The following CNTNAP2 variants were observed in gnomAD, a reference collection of about 807,000 sequenced individuals.
The protein encoded by CNTNAP2 is contactin-associated protein-like 2.
Under a neutral mutation model 155.2 loss-of-function variants are expected in CNTNAP2, and 98 were observed. The ratio of observed to expected loss-of-function variants is 0.63; its 90% CI spans 0.54 to 0.75. CNTNAP2 has a LOEUF of 0.75. CNTNAP2 is among the 30% of genes least tolerant of loss of function. The pLI, the probability that CNTNAP2 is intolerant of heterozygous loss-of-function variation, is 0.00. For synonymous variants in CNTNAP2, 651 were observed against 631.2 expected (o/e 1.03, Z -0.47); for missense variants, 1,727 against 1,688.1 (o/e 1.02, Z -0.40).
At chr7:146,191,397 C>T (rs1798703040) in intron 1 of CNTNAP2, among the ~76,000 whole-genome samples, 1 of 152,126 alleles carries the variant, frequency 6.6e-6, no homozygotes, top group South Asian at 2.1e-4. Flanking sequence ...CAAATGGGGA[C>T]AGAGCGAGAT....
chr7:146,533,263 G>A (rs1308786290), intron 1 of CNTNAP2, among the ~76,000 whole-genome samples: 1 of 152,040 alleles, frequency 6.6e-6, no homozygotes, highest in East Asian at 1.9e-4. Context: ...CTATGCAAGT[G>A]GGAAATTTGA....
chr7:147,938,208 A>T (rs776465417), intron 14 of CNTNAP2, among the ~76,000 whole-genome samples: 1 of 152,196 alleles, frequency 6.6e-6, no homozygotes, highest in Non-Finnish European at 1.5e-5. Flanking sequence ...GTCCTTTTCT[A>T]AAATTTGGGT....
At chr7:148,198,271 G>C (rs1011467244) in intron 18 of CNTNAP2, among the ~76,000 whole-genome samples, 2 of 152,188 alleles carry the variant, frequency 1.3e-5, no homozygotes, top group Non-Finnish European at 2.9e-5. Context: ...ATAGCAATTT[G>C]TCTTTGAGGT....
At position 147,868,004 on chromosome 7, in the gene CNTNAP2, G is replaced by T. The variant is rs140110266; in HGVS notation, c.2099-35561G>T. Among the ~76,000 whole-genome samples, 1,100 of 152,228 alleles carry T rather than the reference G, an allele frequency of 7.2e-3. 15 individuals carry two copies. Among genetic ancestry groups the T allele is most frequent in the African/African-American group, 0.025 (1,044 of 41,530 alleles). On this transcript the variant is annotated intron_variant, in intron 13 of 23. Transcript: ENST00000361727. ...TTTGTTCTGTTGCTGGCAAGGAGCT[G>T]CAATCTTTTGGAGGAGAAGAGGTGC...
chr7:147,770,116 T>C lies in CNTNAP2; in HGVS notation c.2098+130810T>C, dbSNP rs189366140. Among the ~76,000 whole-genome samples, 8 of 152,314 alleles carry C rather than the reference T, an allele frequency of 5.3e-5. No homozygotes were observed. In the East Asian group the frequency reaches 1.4e-3, roughly 26 times the overall value. On this transcript the variant is annotated intron_variant, in intron 13 of 23. Transcript: ENST00000361727. ...TCAAATTCTCATTGAGGTCAAGGTG[T>C]AATTTGTAGTTCAATTCCTTATTCG...
intron 1 of CNTNAP2, among the ~76,000 whole-genome samples, chr7:146,485,657 C>T (rs1433324491): frequency 6.6e-6 from 1 of 152,124 alleles, no homozygotes; most frequent in Non-Finnish European, 1.5e-5. Context: ...GGGTCTCGCT[C>T]TGCCATCCAA....
At chr7:148,411,974 T>C (rs2116720921) in intron 23 of CNTNAP2, among the ~76,000 whole-genome samples, 1 of 152,112 alleles carries the variant, frequency 6.6e-6, no homozygotes, top group Middle Eastern at 3.4e-3. Context: ...GATGGGAGTC[T>C]TGCTTTGTTG....
intron 12 of CNTNAP2, among the ~76,000 whole-genome samples, chr7:147,607,155 C>G (rs764912654): frequency 3.3e-5 from 5 of 152,122 alleles, no homozygotes; most frequent in Non-Finnish European, 5.9e-5. Context: ...TGACTAGAGA[C>G]TGAGTCAATG....
intron 3 of CNTNAP2, among the ~76,000 whole-genome samples, chr7:146,999,921 G>A (rs181588675): frequency 1.1e-3 from 166 of 151,870 alleles, no homozygotes; most frequent in African/African-American, 3.9e-3. Context: ...CTTTCTCCAA[G>A]TTTGGAAAGT....
intron 1 of CNTNAP2, among the ~76,000 whole-genome samples, chr7:146,119,839 C>T (rs560925146): frequency 4.6e-5 from 7 of 151,634 alleles, no homozygotes; most frequent in Non-Finnish European, 8.8e-5. Context: ...CTAACAAATA[C>T]GATTTTATAC....
At chr7:147,799,116 G>C (rs897923110) in intron 13 of CNTNAP2, among the ~76,000 whole-genome samples, 1 of 152,138 alleles carries the variant, frequency 6.6e-6, no homozygotes, top group Non-Finnish European at 1.5e-5. Flanking sequence ...AAAATAATAA[G>C]AGAATTCTGC....
intron 13 of CNTNAP2, among the ~76,000 whole-genome samples, chr7:147,880,605 TA>T (rs11311568): frequency 0.57 from 83,843 of 147,230 alleles, 24,901 homozygotes; most frequent in African/African-American, 0.78. Context: ...TTGTTTGAGT[TA>T]AAAAAAAAAA....
intron 10 of CNTNAP2, among the ~76,000 whole-genome samples, chr7:147,469,475 G>T (rs1442763400): frequency 6.7e-6 from 1 of 149,324 alleles, no homozygotes; most frequent in Non-Finnish European, 1.5e-5. Flanking sequence ...CAAAGAAACG[G>T]CAGGGCAGAG....
intron 5 of CNTNAP2, among the ~76,000 whole-genome samples, chr7:147,111,687 G>C (rs1800883294): frequency 6.6e-6 from 1 of 152,102 alleles, no homozygotes; most frequent in Non-Finnish European, 1.5e-5. Context: ...TAGGTGTATG[G>C]TCTTATTTCT....
In CNTNAP2 at chr7:146,434,419, T is replaced by C. The variant is rs73164023; in HGVS notation, c.97+317446T>C. Among the ~76,000 whole-genome samples, 425 of 152,272 alleles carry C rather than the reference T, an allele frequency of 2.8e-3. 1 individual carries two copies. Among genetic ancestry groups the C allele is most frequent in the Non-Finnish European group, 4.3e-3 (290 of 68,004 alleles). On this transcript the variant is annotated intron_variant, in intron 1 of 23. Transcript: ENST00000361727. ...GGACTCTCTGGATCCACAGGCTAAT[T>C]TTCACAGCAGTCTGAAACTTTCAAG...
chr7:147,567,591 AGAG>A (rs1261015034), intron 12 of CNTNAP2, among the ~76,000 whole-genome samples: 1 of 152,160 alleles, frequency 6.6e-6, no homozygotes, highest in Non-Finnish European at 1.5e-5. Context: ...GTATTTAAGA[AGAG>A]GAGTTGGCCA....
intron 3 of CNTNAP2, among the ~76,000 whole-genome samples, chr7:146,978,072 T>C (rs375949643): frequency 2.5e-4 from 38 of 152,324 alleles, no homozygotes; most frequent in African/African-American, 9.1e-4. Flanking sequence ...AATGATACCC[T>C]AGACCAGGCT....
chr7:146,240,188 C>G (rs77573400), intron 1 of CNTNAP2, among the ~76,000 whole-genome samples: 2 of 152,126 alleles, frequency 1.3e-5, no homozygotes, highest in East Asian at 3.9e-4. Context: ...ATTTTTTGCT[C>G]AGGCACAGAA....
At chr7:147,532,459 AG>A (rs1799458686) in intron 11 of CNTNAP2, among the ~76,000 whole-genome samples, 1 of 152,188 alleles carries the variant, frequency 6.6e-6, no homozygotes, top group Non-Finnish European at 1.5e-5. Flanking sequence ...AGTCTCTAGG[AG>A]GTTCCAAACT....
Sources: gnomAD v4.1 joint callset for allele counts (sites outside exome capture counted in the v4.1 genomes callset) on GRCh38, gnomAD v4.1.1 for gene constraint, MANE v1.5 for transcripts, NCBI Gene and HGNC (gene_info 2026-07-23, HGNC 2026-07-21) for gene names.